Variants in MIPEP observed in about 807,000 individuals in gnomAD.
MIPEP encodes the protein mitochondrial intermediate peptidase.
MIPEP carries 79 observed loss-of-function variants against 90.3 expected under a neutral mutation model. The observed-to-expected ratio is 0.87, with a 90% CI of 0.73 to 1.05. MIPEP has a LOEUF of 1.05. Ranked by LOEUF, MIPEP falls within the 50% of genes least tolerant of loss-of-function variation. The pLI is 0.00. For synonymous variants in MIPEP, 334 were observed against 315.8 expected (o/e 1.06, Z -0.61); for missense variants, 940 against 905.6 (o/e 1.04, Z -0.49).
chr13:23,824,008 A>C (rs1201827064), intron 14 of MIPEP, among the ~76,000 whole-genome samples: 1 of 152,232 alleles, frequency 6.6e-6, no homozygotes, highest in East Asian at 1.9e-4. Flanking sequence ...CAAAAGTGGC[A>C]ATGTTTGTTG....
chr13:23,869,263 G>C (rs889951294), intron 7 of MIPEP, 29 bp downstream of exon 7: 13 of 1,535,354 alleles, frequency 8.5e-6, no homozygotes, highest in Admixed American at 2.3e-5. Flanking sequence ...ATCCTATTTT[G>C]CCCTTAAATG....
At chr13:23,848,069 C>T (rs529221128) in intron 10 of MIPEP, among the ~76,000 whole-genome samples, 1 of 152,288 alleles carries the variant, frequency 6.6e-6, no homozygotes, top group South Asian at 2.1e-4. Context: ...TTTGAAAATA[C>T]TATTTCTCAT....
intron 16 of MIPEP, among the ~76,000 whole-genome samples, chr13:23,771,530 TACACACACACACACACAC>T (rs3077653): frequency 1.4e-5 from 2 of 145,990 alleles, no homozygotes; most frequent in Admixed American, 6.9e-5. Context: ...ATTTGCTGAC[TACACACACACACACACAC>T]ACACACACAC....
intron 16 of MIPEP, among the ~76,000 whole-genome samples, chr13:23,801,453 TG>T (rs751790734): frequency 1.3e-5 from 2 of 152,198 alleles, no homozygotes; most frequent in African/African-American, 2.4e-5. Flanking sequence ...TTTTAATCCT[TG>T]GAAGTGTTTT....
intron 16 of MIPEP, among the ~76,000 whole-genome samples, chr13:23,798,154 G>A (rs1952984718): frequency 6.6e-6 from 1 of 152,104 alleles, no homozygotes; most frequent in South Asian, 2.1e-4. Context: ...AATACAAAAA[G>A]CAAATTATTG....
intron 14 of MIPEP, among the ~76,000 whole-genome samples, chr13:23,831,385 G>GTGGGA (rs57512059): frequency 1.5e-5 from 2 of 132,580 alleles, no homozygotes; most frequent in Non-Finnish European, 1.7e-5. Context: ...CCCCATGGCG[G>GTGGGA]GGGGGGGATG....
At chr13:23,870,585 A>G (rs1405892209) in intron 5 of MIPEP, among the ~76,000 whole-genome samples, 1 of 152,152 alleles carries the variant, frequency 6.6e-6, no homozygotes, top group East Asian at 1.9e-4. Flanking sequence ...AGGGCAGATC[A>G]CTTGAGGTCA....
intron 1 of MIPEP, chr13:23,888,034 CTTTT>C (rs139459675): frequency 1.2e-5 from 4 of 339,146 alleles, no homozygotes; most frequent in East Asian, 8.5e-5. Context: ...CTGAATAAGG[CTTTT>C]TTTTTTTCAA....
At chr13:23,739,955 G>A (rs1952307475) in intron 18 of MIPEP, among the ~76,000 whole-genome samples, 1 of 152,196 alleles carries the variant, frequency 6.6e-6, no homozygotes, top group Non-Finnish European at 1.5e-5. Context: ...ACAGCACCAA[G>A]GTGTCAATGG....
At chr13:23,827,104 C>T (rs1233144334) in intron 14 of MIPEP, among the ~76,000 whole-genome samples, 1 of 152,076 alleles carries the variant, frequency 6.6e-6, no homozygotes, top group Admixed American at 6.6e-5. Flanking sequence ...CTTGAGCATC[C>T]AAGGATTTTG....
chr13:23,796,338 A>C (rs1437989007), intron 16 of MIPEP, among the ~76,000 whole-genome samples: 2 of 152,078 alleles, frequency 1.3e-5, no homozygotes, highest in African/African-American at 2.4e-5. Flanking sequence ...AATTGCTTGA[A>C]CCGGGGAGGC....
chr13:23,835,024 CT>C (rs57093490), intron 14 of MIPEP, among the ~76,000 whole-genome samples: 88 of 134,766 alleles, frequency 6.5e-4, no homozygotes, highest in East Asian at 2.3e-3. Context: ...ATCCATTATT[CT>C]TTTTTTTTTT....
At chr13:23,812,359 C>T (rs1953183108) in intron 14 of MIPEP, among the ~76,000 whole-genome samples, 1 of 151,940 alleles carries the variant, frequency 6.6e-6, no homozygotes, top group Non-Finnish European at 1.5e-5. Context: ...ACAGCACATG[C>T]AAAGGGCAGG....
At chr13:23,760,423 G>A in intron 16 of MIPEP, 2 of 746,734 alleles carry the variant, frequency 2.7e-6, no homozygotes, top group South Asian at 2.9e-5. Flanking sequence ...AAATTCACAT[G>A]TTGAAACCCA....
chr13:23,805,249 T>G (rs1953094525), intron 16 of MIPEP, among the ~76,000 whole-genome samples: 1 of 152,182 alleles, frequency 6.6e-6, no homozygotes, highest in Non-Finnish European at 1.5e-5. Flanking sequence ...GGAGTCACGG[T>G]GCTCAACTGC....
At chr13:23,862,214 C>T in intron 9 of MIPEP, 88 bp downstream of exon 9, 1 of 785,760 alleles carries the variant, frequency 1.3e-6, no homozygotes, top group Non-Finnish European at 2.1e-6. Context: ...GACCTGTAGC[C>T]TATCACAAGA....
intron 3 of MIPEP, among the ~76,000 whole-genome samples, chr13:23,880,718 G>A (rs1437562593): frequency 1.3e-5 from 2 of 152,342 alleles, no homozygotes; most frequent in East Asian, 3.9e-4. Flanking sequence ...TACGCAAGTT[G>A]GTTTTCAGCG....
intron 16 of MIPEP, among the ~76,000 whole-genome samples, chr13:23,765,471 G>C (rs940273439): frequency 2.0e-5 from 3 of 152,108 alleles, no homozygotes; most frequent in Non-Finnish European, 2.9e-5. Flanking sequence ...TTTATCATAG[G>C]TATGTATGTA....
intron 16 of MIPEP, among the ~76,000 whole-genome samples, chr13:23,786,107 G>A (rs142281106): frequency 6.6e-6 from 1 of 152,006 alleles, no homozygotes; most frequent in Non-Finnish European, 1.5e-5. Flanking sequence ...CATGCCTGTA[G>A]ACCCAGCTAC....
Sources: gnomAD v4.1 joint callset for allele counts (sites outside exome capture counted in the v4.1 genomes callset) on GRCh38, gnomAD v4.1.1 for gene constraint, MANE v1.5 for transcripts, NCBI Gene and HGNC (gene_info 2026-07-23, HGNC 2026-07-21) for gene names.